EIF3D: variants seen among roughly 807,000 people sequenced by gnomAD.
EIF3D encodes eIF3 p66.
Under a neutral mutation model 75.4 loss-of-function variants are expected in EIF3D, and 10 were observed. The observed-to-expected ratio is 0.13, with a 90% CI of 0.08 to 0.22. The LOEUF (loss-of-function observed/expected upper bound fraction) is 0.22. Among genes scored for constraint, EIF3D ranks in the 10% least tolerant of loss-of-function variants. EIF3D has a pLI of 1.00. For synonymous variants in EIF3D, 246 were observed against 248.3 expected, an observed-to-expected ratio of 0.99 and a Z score of 0.09; for missense variants, 394 against 708.0, an observed-to-expected ratio of 0.56 and a Z score of 5.03.
At chr22:36,514,812 G>A (rs147663673) in intron 12 of EIF3D, among the ~76,000 whole-genome samples, 3 of 152,300 alleles carry the variant, frequency 2.0e-5, no homozygotes, top group African/African-American at 7.2e-5. Context: ...TTTCTGCCTT[G>A]TTTGGATTTG....
rs528643587 is a variant in EIF3D, at chr22:36,526,556, C to G, written c.-10-425G>C. Among the ~76,000 whole-genome samples, 29 of 151,836 alleles carry G rather than the reference C, an allele frequency of 1.9e-4. No homozygotes were observed. The South Asian group carries it at 4.8e-3, about 25-fold the overall frequency. On this transcript the variant is annotated intron_variant, in intron 1 of 14. Transcript: ENST00000216190. ...ACCTTGTTTTGGTTCTGAGATATAC[C>G]TTCACCAATTCATACAAACTCAACT...
chr22:36,513,389 G>A (rs573893815), intron 12 of EIF3D, among the ~76,000 whole-genome samples: 33 of 151,676 alleles, frequency 2.2e-4, no homozygotes, highest in Non-Finnish European at 4.3e-4. Flanking sequence ...TGCAACCTCC[G>A]CCTCCCGGGT....
At chr22:36,527,123 G>A (rs531054577) in intron 1 of EIF3D, among the ~76,000 whole-genome samples, 1 of 152,322 alleles carries the variant, frequency 6.6e-6, no homozygotes, top group South Asian at 2.1e-4. Context: ...CAGAAGAACT[G>A]CCAGAGGGCC....
At chr22:36,518,690 A>G in intron 9 of EIF3D, 73 bp downstream of exon 9, 1 of 1,560,658 alleles carries the variant, frequency 6.4e-7, no homozygotes, top group East Asian at 2.2e-5. Context: ...TCCATTCTCT[A>G]GTACCAGAGA....
chr22:36,517,904 C>T (rs6000289), intron 9 of EIF3D, among the ~76,000 whole-genome samples: 7 of 152,150 alleles, frequency 4.6e-5, no homozygotes, highest in African/African-American at 1.7e-4. Flanking sequence ...TCCACCACCA[C>T]ACCTGGCTAA....
intron 13 of EIF3D, among the ~76,000 whole-genome samples, chr22:36,512,158 A>G (rs566598900): frequency 1.1e-4 from 17 of 152,170 alleles, no homozygotes; most frequent in Non-Finnish European, 2.2e-4. Context: ...CCAAAGTGCT[A>G]GGATTACAGG....
chr22:36,520,043 T>C (rs1197351101), intron 7 of EIF3D, among the ~76,000 whole-genome samples: 1 of 152,236 alleles, frequency 6.6e-6, no homozygotes, highest in Non-Finnish European at 1.5e-5. Context: ...GCAAATTCCA[T>C]TCTGCTTTCT....
At chr22:36,526,365 GAC>G (rs1569002248) in intron 1 of EIF3D, among the ~76,000 whole-genome samples, 1 of 152,058 alleles carries the variant, frequency 6.6e-6, no homozygotes, top group African/African-American at 2.4e-5. Context: ...TTAATTCCAC[GAC>G]ACTCTCTTTT....
intron 1 of EIF3D, among the ~76,000 whole-genome samples, chr22:36,527,963 A>C (rs918191696): frequency 6.6e-6 from 1 of 152,232 alleles, no homozygotes; most frequent in Non-Finnish European, 1.5e-5. Flanking sequence ...ATGAACCTAG[A>C]AGTTTCATCT....
chr22:36,512,310 G>A (rs1934352828), intron 13 of EIF3D, 150 bp downstream of exon 13: 1 of 1,053,408 alleles, frequency 9.5e-7, no homozygotes, highest in Admixed American at 2.5e-5. Flanking sequence ...TTTGGCATTT[G>A]TCTCCTAACT....
intron 8 of EIF3D, 29 bp downstream of exon 8, chr22:36,519,375 AG>A (rs1258353615): frequency 1.2e-6 from 2 of 1,612,774 alleles, no homozygotes; most frequent in Non-Finnish European, 1.7e-6. Flanking sequence ...ATTCCTAACA[AG>A]GGGGAGAGGG....
chr22:36,518,255 C>T (rs1285646614), intron 9 of EIF3D, among the ~76,000 whole-genome samples: 1 of 152,090 alleles, frequency 6.6e-6, no homozygotes, highest in African/African-American at 2.4e-5. Flanking sequence ...CTTTGGGAGG[C>T]CAAGGCTGAT....
chr22:36,526,204 T>G (rs1256526447), intron 1 of EIF3D, 73 bp from the exon 2 acceptor site: 1 of 1,434,170 alleles, frequency 7.0e-7, no homozygotes, highest in African/African-American at 1.5e-5. Flanking sequence ...CCATATGAAG[T>G]AAGCAAAGAC....
intron 2 of EIF3D, 108 bp from the exon 3 acceptor site, chr22:36,525,817 T>C: frequency 6.7e-7 from 1 of 1,488,230 alleles, no homozygotes; most frequent in Non-Finnish European, 9.2e-7. Context: ...TCTCAGAATT[T>C]GTTCACAACA....
intron 3 of EIF3D, among the ~76,000 whole-genome samples, chr22:36,525,367 C>CCAAG (rs1934583045): frequency 6.6e-6 from 1 of 151,634 alleles, no homozygotes; most frequent in Non-Finnish European, 1.5e-5. Flanking sequence ...CCTCAGCCAC[C>CCAAG]CGAGTAGCTG....
At position 36,517,448 on chromosome 22, in the gene EIF3D, T is replaced by C. The variant is rs76174946; in HGVS notation, c.860-17A>G. ...TCAGGAGGTCTGCAAAAGCGTGGCA[T>C]GGTCACTCACCATGCAACAAAGAGT... On this transcript the variant is annotated splice_polypyrimidine_tract_variant and intron_variant, in intron 9 of 14. Transcript: ENST00000216190. The C allele has an allele frequency of 0.031, 49,664 of 1,602,156 alleles. 888 individuals carry two copies. Among genetic ancestry groups the C allele is most frequent in the Non-Finnish European group, 0.036 (42,517 of 1,174,514 alleles).
At position 36,518,822 on chromosome 22, in the gene EIF3D, A is replaced by C; in HGVS notation, c.800T>G (p.Ile267Ser). The C allele has an allele frequency of 6.2e-7, 1 of 1,614,204 alleles. No individual in the cohort carries two copies. Among genetic ancestry groups the C allele is most frequent in the Non-Finnish European group, 8.5e-7 (1 of 1,180,040 alleles). Residue 267 changes from isoleucine to serine, a missense_variant, in exon 9 of 15, where the codon ATT becomes AGT. Physicochemically the swap from Ile to Ser is moderately radical, Grantham distance 142. Transcript: ENST00000216190. ...SCTRSVYSWD[I>S]VVQRVGSKLF... ...TTTGGACCCAACTCTCTGGACGACA[A>C]TATCCCAGGAATACACTGAGCGGGT...
chr22:36,512,291 T>C (rs1246593125), intron 13 of EIF3D, among the ~76,000 whole-genome samples, 169 bp downstream of exon 13: 2 of 152,248 alleles, frequency 1.3e-5, no homozygotes, highest in Non-Finnish European at 2.9e-5. Flanking sequence ...CCATTCAGCA[T>C]GCCTGCTGTT....
chr22:36,525,940 G>T, intron 2 of EIF3D, 59 bp downstream of exon 2: 1 of 1,552,090 alleles, frequency 6.4e-7, no homozygotes, highest in Non-Finnish European at 8.7e-7. Context: ...ATCTAAACAG[G>T]GACTCGAGAG....
Sources: allele counts gnomAD v4.1 joint callset (sites outside exome capture counted in the v4.1 genomes callset), GRCh38; gene constraint gnomAD v4.1.1; transcripts MANE v1.5; gene names NCBI Gene and HGNC (gene_info 2026-07-23, HGNC 2026-07-21).